The following PLCL1 variants were observed in gnomAD, a reference collection of about 807,000 sequenced individuals.
The protein encoded by PLCL1 is inactive phospholipase C-like protein 1.
In PLCL1, 41 loss-of-function variants were observed where a neutral mutation model predicts 84.4. That is an observed-to-expected ratio of 0.49 (90% confidence interval 0.38 to 0.63). The LOEUF is 0.63. Ranked by LOEUF, PLCL1 falls within the 30% of genes least tolerant of loss-of-function variation. The pLI, the probability that PLCL1 is intolerant of heterozygous loss-of-function variation, is 0.00. For missense variants in PLCL1, 1,206 were observed against 1,367.8 expected, an observed-to-expected ratio of 0.88 and a Z score of 1.87; for synonymous variants, 490 against 488.3, an observed-to-expected ratio of 1.00 and a Z score of -0.05.
intron 5 of PLCL1, among the ~76,000 whole-genome samples, chr2:198,124,340 T>G (rs925067331): frequency 6.6e-6 from 1 of 152,172 alleles, no homozygotes; most frequent in Admixed American, 6.6e-5. Flanking sequence ...ATAATTATAA[T>G]TGTCTGACCT....
intron 1 of PLCL1, among the ~76,000 whole-genome samples, chr2:197,972,441 T>A (rs1689889009): frequency 6.6e-6 from 1 of 152,070 alleles, no homozygotes; most frequent in African/African-American, 2.4e-5. Context: ...CCTTGTTGAG[T>A]TCAATTACAT....
intron 5 of PLCL1, among the ~76,000 whole-genome samples, chr2:198,108,430 A>T (rs978137245): frequency 3.3e-5 from 5 of 151,888 alleles, no homozygotes; most frequent in African/African-American, 9.7e-5. Flanking sequence ...AATTTCCAAT[A>T]AGTAAGGAAG....
At chr2:198,032,564 T>A (rs927618510) in intron 1 of PLCL1, among the ~76,000 whole-genome samples, 2 of 152,088 alleles carry the variant, frequency 1.3e-5, no homozygotes, top group African/African-American at 4.8e-5. Flanking sequence ...AAATTAACAT[T>A]TTTTTTAGGC....
intron 1 of PLCL1, among the ~76,000 whole-genome samples, chr2:197,871,468 G>A (rs1348950316): frequency 6.6e-6 from 1 of 152,066 alleles, no homozygotes; most frequent in Non-Finnish European, 1.5e-5. Flanking sequence ...TCCACTGAGG[G>A]GAGTGCCTTA....
At chr2:197,972,581 A>C (rs1314463081) in intron 1 of PLCL1, among the ~76,000 whole-genome samples, 2 of 152,150 alleles carry the variant, frequency 1.3e-5, no homozygotes, top group Non-Finnish European at 2.9e-5. Flanking sequence ...TACAAAATAT[A>C]AGGTGTCATA....
At chr2:198,102,461 C>T (rs981098682) in intron 4 of PLCL1, among the ~76,000 whole-genome samples, 2 of 151,984 alleles carry the variant, frequency 1.3e-5, no homozygotes, top group South Asian at 2.1e-4. Flanking sequence ...GGAAAGTTAA[C>T]GTGGTCTTAG....
At chr2:198,113,408 A>C (rs1693668857) in intron 5 of PLCL1, among the ~76,000 whole-genome samples, 1 of 151,916 alleles carries the variant, frequency 6.6e-6, no homozygotes, top group Non-Finnish European at 1.5e-5. Context: ...CTGGTGAATA[A>C]AAATGTGGCC....
At chr2:197,848,791 C>A (rs981707339) in intron 1 of PLCL1, among the ~76,000 whole-genome samples, 2 of 152,042 alleles carry the variant, frequency 1.3e-5, no homozygotes, top group Non-Finnish European at 1.5e-5. Context: ...TTTGGCCTGA[C>A]CCAAGTGATG....
intron 5 of PLCL1, among the ~76,000 whole-genome samples, chr2:198,130,759 G>T (rs543778702): frequency 2.0e-5 from 3 of 152,224 alleles, no homozygotes; most frequent in South Asian, 4.1e-4. Flanking sequence ...AGCAAGCACC[G>T]TTGGGTCAAC....
chr2:197,814,003 TGAA>T (rs1690640546), intron 1 of PLCL1, among the ~76,000 whole-genome samples: 1 of 152,188 alleles, frequency 6.6e-6, no homozygotes, highest in Non-Finnish European at 1.5e-5. Flanking sequence ...AAGGATTACT[TGAA>T]TATACATTTT....
chr2:198,098,381 A>G (rs780495758), intron 3 of PLCL1, among the ~76,000 whole-genome samples: 1 of 152,212 alleles, frequency 6.6e-6, no homozygotes, highest in Admixed American at 6.5e-5. Flanking sequence ...AAAAGCAGTC[A>G]TGGCAAAATT....
At chr2:197,884,401 C>T (rs938473593) in intron 1 of PLCL1, among the ~76,000 whole-genome samples, 1 of 152,224 alleles carries the variant, frequency 6.6e-6, no homozygotes, top group Non-Finnish European at 1.5e-5. Flanking sequence ...CTGTACAATA[C>T]TTCCATTTTG....
intron 1 of PLCL1, among the ~76,000 whole-genome samples, chr2:197,886,445 A>G (rs1687924867): frequency 6.8e-6 from 1 of 146,046 alleles, no homozygotes; most frequent in Non-Finnish European, 1.5e-5. Flanking sequence ...AAAAAAAAAA[A>G]AAAAAAAGTA....
At chr2:198,009,051 T>G (rs747262375) in intron 1 of PLCL1, among the ~76,000 whole-genome samples, 6 of 151,996 alleles carry the variant, frequency 3.9e-5, no homozygotes, top group Non-Finnish European at 5.9e-5. Context: ...AATCAATTTT[T>G]TTGTTGTTGT....
rs574805161 is a variant in PLCL1, at chr2:198,145,308, T to C, written c.3106-1472T>C. 4.6e-5 allele frequency among the ~76,000 whole-genome samples: 7 copies of C among 152,316 alleles called. No individual in the cohort carries two copies. The South Asian group carries it at 1.4e-3, about 32-fold the overall frequency. ...GCTGGTGTAGTAAATATTTTTTCTTTAGAAAATACATCTCTCACTGACAGA... is the reference window on the plus strand; with the variant it reads ...GCTGGTGTAGTAAATATTTTTTCTTCAGAAAATACATCTCTCACTGACAGA... On this transcript the variant is annotated intron_variant, in intron 5 of 5. Transcript: ENST00000428675.
chr2:198,054,331 A>G (rs1692012822), intron 1 of PLCL1, among the ~76,000 whole-genome samples: 1 of 152,262 alleles, frequency 6.6e-6, no homozygotes, highest in Admixed American at 6.5e-5. Flanking sequence ...AATGGACCTA[A>G]CAGACATATG....
intron 1 of PLCL1, among the ~76,000 whole-genome samples, chr2:197,871,247 A>T (rs750153255): frequency 2.0e-5 from 3 of 152,052 alleles, no homozygotes; most frequent in Non-Finnish European, 4.4e-5. Context: ...TTTCACCCCA[A>T]ACAGATCCTG....
intron 5 of PLCL1, among the ~76,000 whole-genome samples, chr2:198,144,677 G>A (rs1288186091): frequency 6.6e-6 from 1 of 152,150 alleles, no homozygotes; most frequent in Admixed American, 6.5e-5. Context: ...AAAATTGGTT[G>A]AAGATGCTCC....
chr2:197,955,487 G>A (rs1689467098), intron 1 of PLCL1, among the ~76,000 whole-genome samples: 1 of 149,498 alleles, frequency 6.7e-6, no homozygotes, highest in Non-Finnish European at 1.5e-5. Flanking sequence ...TGTTACATAA[G>A]TATATGTGTA....
Sources: allele counts gnomAD v4.1 joint callset (sites outside exome capture counted in the v4.1 genomes callset), GRCh38; gene constraint gnomAD v4.1.1; transcripts MANE v1.5; gene names NCBI Gene and HGNC (gene_info 2026-07-23, HGNC 2026-07-21).